The following AP3B1 variants were observed in gnomAD, a reference collection of about 807,000 sequenced individuals.
AP3B1 encodes adaptor related protein complex 3 subunit beta 1, also known as AP-3 complex subunit beta-1.
A neutral mutation model predicts 132.5 loss-of-function variants in AP3B1; 61 were observed. The observed-to-expected ratio is 0.46, with a 90% confidence interval of 0.37 to 0.57. The LOEUF is 0.57. Among genes scored for constraint, AP3B1 ranks in the 20% least tolerant of loss-of-function variants. The pLI, the probability that AP3B1 is intolerant of heterozygous loss-of-function variation, is 0.00. For synonymous variants in AP3B1, 388 were observed against 438.3 expected (o/e 0.89, Z 1.43); for missense variants, 1,120 against 1,289.4 (o/e 0.87, Z 2.01).
intron 20 of AP3B1, among the ~76,000 whole-genome samples, chr5:78,104,616 A>G (rs1716372706): frequency 6.6e-6 from 1 of 152,174 alleles, no homozygotes; most frequent in African/African-American, 2.4e-5. Context: ...TACTTTTCAA[A>G]TAGAACATAA....
intron 13 of AP3B1, among the ~76,000 whole-genome samples, chr5:78,161,001 A>G (rs986736970): frequency 1.4e-5 from 2 of 140,298 alleles, no homozygotes; most frequent in Non-Finnish European, 3.1e-5. Flanking sequence ...ACACTGCAGG[A>G]AAAAAAAAAC....
intron 1 of AP3B1, among the ~76,000 whole-genome samples, chr5:78,291,420 GAAAAAA>G (rs5868911): frequency 1.8e-4 from 15 of 85,714 alleles, no homozygotes; most frequent in East Asian, 1.3e-3. Flanking sequence ...CAGATAATTT[GAAAAAA>G]AAAAAAAAAA....
chr5:78,048,594 G>C (rs1298509438), intron 22 of AP3B1, among the ~76,000 whole-genome samples: 1 of 151,982 alleles, frequency 6.6e-6, no homozygotes, highest in African/African-American at 2.4e-5. Flanking sequence ...CTCTAATTTT[G>C]TCTGTGGCCA....
At chr5:78,229,671 C>T (rs966815081) in intron 3 of AP3B1, among the ~76,000 whole-genome samples, 2 of 151,580 alleles carry the variant, frequency 1.3e-5, no homozygotes, top group African/African-American at 2.4e-5. Flanking sequence ...CCTGGGAGGT[C>T]GAAGCTGCAG....
chr5:78,217,383 G>A lies in AP3B1; in HGVS notation c.604-1146C>T, dbSNP rs181674682. Among the ~76,000 whole-genome samples, 43 of 152,188 alleles carry A rather than the reference G, an allele frequency of 2.8e-4. No individual in the cohort carries two copies. In the East Asian group the frequency reaches 6.9e-3, roughly 25 times the overall value. Reference sequence around the variant, plus strand: ...TTATGAATTACCAATCAGTATAAACGTGAAGCTGCATTTATTGACTCCAGC... The same window carrying A: ...TTATGAATTACCAATCAGTATAAACATGAAGCTGCATTTATTGACTCCAGC... On this transcript the variant is annotated intron_variant, in intron 6 of 26. Transcript: ENST00000255194.
At chr5:78,034,684 T>C (rs765422088) in intron 23 of AP3B1, among the ~76,000 whole-genome samples, 3 of 151,982 alleles carry the variant, frequency 2.0e-5, no homozygotes, top group Non-Finnish European at 4.4e-5. Flanking sequence ...ATTATACCCA[T>C]TTGTTTCAGA....
intron 17 of AP3B1, among the ~76,000 whole-genome samples, chr5:78,121,037 A>T (rs1437937268): frequency 3.3e-5 from 5 of 152,174 alleles, no homozygotes; most frequent in Admixed American, 2.0e-4. Flanking sequence ...GGATTAAGAA[A>T]CTCACTCAAA....
At chr5:78,288,435 C>T (rs751915985) in intron 1 of AP3B1, among the ~76,000 whole-genome samples, 3 of 152,102 alleles carry the variant, frequency 2.0e-5, no homozygotes, top group Non-Finnish European at 4.4e-5. Context: ...GGGATAAAGA[C>T]TAAAAATCCT....
chr5:78,125,045 GGAAAAGAAAA>G (rs545381700), intron 17 of AP3B1, among the ~76,000 whole-genome samples: 25 of 151,652 alleles, frequency 1.6e-4, no homozygotes, highest in Non-Finnish European at 3.1e-4. Context: ...GGAATAATAG[GGAAAAGAAAA>G]GAAAAGAAAA....
Position 78,201,967 on chromosome 5 carries a change from C to T in AP3B1, c.786+14088G>A, listed in dbSNP as rs9293727. Among the ~76,000 whole-genome samples the T allele has an allele frequency of 3.5e-3, 538 of 152,290 alleles. 2 individuals carry two copies. The highest frequency in any genetic ancestry group is 7.7e-3 in the South Asian group (37 of 4,824). ...ATGTATACAGTCTGATATGGTTTGG[C>T]TGTGCCCCCACCCAAATCTCATCTT... is the stretch of plus-strand genomic sequence containing the variant. On this transcript the variant is annotated intron_variant, in intron 7 of 26. Transcript: ENST00000255194.
chr5:78,087,788 T>A, intron 22 of AP3B1: 1 of 708,692 alleles, frequency 1.4e-6, no homozygotes, highest in Non-Finnish European at 1.7e-6. Flanking sequence ...TTCTTCTTAT[T>A]ATTAATAAAG....
rs555401530 is a variant in AP3B1, at chr5:78,119,184, A to C, written c.1969-2950T>G. 9.9e-4 allele frequency among the ~76,000 whole-genome samples: 151 copies of C among 152,324 alleles called. No individual in the cohort carries two copies. The East Asian group carries it at 0.026, about 26-fold the overall frequency. On this transcript the variant is annotated intron_variant, in intron 17 of 26. Coordinates refer to ENST00000255194, the MANE Select transcript of AP3B1 (RefSeq NM_003664.5). ...GAAAGGACATCCACACCAAAAACCC[A>C]TCTGTACATCACCATCATCAAAGAT...
chr5:78,114,108 G>A (rs1751720214), intron 18 of AP3B1, among the ~76,000 whole-genome samples, 185 bp from the exon 19 acceptor site: 1 of 152,152 alleles, frequency 6.6e-6, no homozygotes, highest in African/African-American at 2.4e-5. Flanking sequence ...TTAGCACTGT[G>A]AGCTTGGAGG....
At chr5:78,194,929 G>A (rs1297955844) in intron 7 of AP3B1, among the ~76,000 whole-genome samples, 1 of 152,050 alleles carries the variant, frequency 6.6e-6, no homozygotes, top group African/African-American at 2.4e-5. Flanking sequence ...TTCATAAAAT[G>A]AGTATAAAAT....
At chr5:78,219,907 G>A (rs756732853) in intron 6 of AP3B1, among the ~76,000 whole-genome samples, 1 of 152,058 alleles carries the variant, frequency 6.6e-6, no homozygotes, top group Non-Finnish European at 1.5e-5. Flanking sequence ...TGTCATCATC[G>A]TAATAATGAT....
intron 19 of AP3B1, among the ~76,000 whole-genome samples, chr5:78,111,721 G>C (rs1458641294): frequency 6.6e-6 from 1 of 152,094 alleles, no homozygotes; most frequent in African/African-American, 2.4e-5. Context: ...GGAAACTAAA[G>C]GTCTAGTTCT....
At chr5:78,029,536 C>T (rs749350909) in intron 24 of AP3B1, among the ~76,000 whole-genome samples, 10 of 152,094 alleles carry the variant, frequency 6.6e-5, no homozygotes, top group Non-Finnish European at 1.3e-4. Flanking sequence ...TAATCTCTGA[C>T]GTGAATTGTG....
intron 24 of AP3B1, among the ~76,000 whole-genome samples, chr5:78,022,177 T>C (rs777643623): frequency 2.0e-5 from 3 of 152,212 alleles, no homozygotes; most frequent in Non-Finnish European, 4.4e-5. Flanking sequence ...AATTTATTTA[T>C]CAATTCAATA....
At chr5:78,001,870 A>T (rs1172632900), downstream of AP3B1, 1 of 152,238 alleles carries the variant, frequency 6.6e-6, no homozygotes, top group African/African-American at 2.4e-5. Context: ...CTCTGATTAT[A>T]GAACAACCTT....
Sources: gnomAD v4.1 joint callset for allele counts (sites outside exome capture counted in the v4.1 genomes callset) on GRCh38, gnomAD v4.1.1 for gene constraint, MANE v1.5 for transcripts, NCBI Gene and HGNC (gene_info 2026-07-23, HGNC 2026-07-21) for gene names.